DNAJB5: variants seen among roughly 807,000 people sequenced by gnomAD.
The protein encoded by DNAJB5 is DnaJ heat shock protein family (Hsp40) member B5.
In DNAJB5, 12 loss-of-function variants were observed where a neutral mutation model predicts 32.6. That is an observed-to-expected ratio of 0.37 (90% confidence interval 0.24 to 0.60). DNAJB5 has a LOEUF of 0.60. DNAJB5 is among the 20% of genes least tolerant of loss of function. The probability of loss-of-function intolerance (pLI) is 0.71; values close to 1 mark genes in which losing one functional copy is unlikely to be tolerated. For missense variants in DNAJB5, 358 were observed against 554.2 expected (o/e 0.65, Z 3.55); for synonymous variants, 188 against 212.9 (o/e 0.88, Z 1.02).
rs757952016 is a variant in DNAJB5, at chr9:34,993,288, G to C, written c.271G>C (p.Glu91Gln). The change falls in exon 3 of 5, where the codon GAG (glutamate) becomes CAG (glutamine). Residue 91 changes from glutamate to glutamine, a missense_variant. This residue lies in a region of DNAJB5 where 110 missense variants were observed against 111.7 expected (regional missense o/e 0.99). Transcript: ENST00000682809. The surrounding 1 kb of genome is among the most constrained non-coding windows in gnomAD (Gnocchi z 4.7). ...GATCCCATCGGGGGCCAACGAGGAT[G>C]AGATCAAGAAAGCCTACCGGAAGAT... is the stretch of plus-strand genomic sequence containing the variant. ...LGIPSGANEDEIKKAYRKMAL... is the reference protein window; with the variant it reads ...LGIPSGANEDQIKKAYRKMAL... 1 of 1,614,198 alleles carries C rather than the reference G, an allele frequency of 6.2e-7. No homozygotes were observed. The highest frequency in any genetic ancestry group is 1.1e-5 in the South Asian group (1 of 91,084).
In DNAJB5 at chr9:34,996,968, C is replaced by T. The variant is rs550205902; in HGVS notation, c.1030-58C>T. 2 of 1,600,294 alleles carry T rather than the reference C, an allele frequency of 1.2e-6. No individual in the cohort carries two copies. The highest frequency in any genetic ancestry group is 2.7e-5 in the African/African-American group (2 of 74,940). On this transcript the variant is annotated intron_variant, in intron 4 of 4. Coordinates refer to ENST00000682809, the MANE Select transcript of DNAJB5 (RefSeq NM_001349723.3). This position sits in a 1 kb window ranked among gnomAD's most constrained non-coding sequence, Gnocchi z 7.2. ...TTCTTTCCCCACCTCAGTCTATTTC[C>T]TTCCTTCCCACTCACCTTACCCCAC...
In DNAJB5 at chr9:34,993,072, G is replaced by A. The variant is rs1194429625; in HGVS notation, c.183-128G>A. 30 of 1,446,674 alleles carry A rather than the reference G, an allele frequency of 2.1e-5. No individual in the cohort carries two copies. The highest frequency in any genetic ancestry group is 5.0e-5 in the East Asian group (2 of 40,310). The allele number at this position is 1,446,674 out of a possible 1,614,324, so 89.6% of individuals were successfully genotyped here. Reference sequence around the variant, plus strand: ...CCTTTCATTTTACAGATGGGGGGACGCAGGCCCACAGAACAGGCATGACCT... The same window carrying A: ...CCTTTCATTTTACAGATGGGGGGACACAGGCCCACAGAACAGGCATGACCT... On this transcript the variant is annotated intron_variant, in intron 2 of 4. Transcript: ENST00000682809. The surrounding 1 kb of genome is among the most constrained non-coding windows in gnomAD (Gnocchi z 4.7).
At position 34,993,417 on chromosome 9, in the gene DNAJB5, G is replaced by A. The variant is rs1218901418; in HGVS notation, c.400G>A (p.Gly134Ser). 2.5e-6 allele frequency: 4 copies of A among 1,613,544 alleles called. No individual in the cohort carries two copies. The highest frequency in any genetic ancestry group is 2.2e-5 in the East Asian group (1 of 44,882). ...TGTGCTAAGTGACCCCAAGAAACGG[G>A]GCCTGTATGACCAGTATGGGGAGGA... ...YDVLSDPKKR[G>S]LYDQYGEEGL... is the part of the protein sequence containing the mutation. The change falls in exon 3 of 5, where the codon GGC (glycine) becomes AGC (serine). Residue 134 changes from glycine to serine, a missense_variant. Physicochemically the swap from Gly to Ser is moderately conservative, Grantham distance 56 (BLOSUM62 0). This residue lies in a region of DNAJB5 where 248 missense variants were observed against 442.6 expected (regional missense o/e 0.56). Coordinates refer to ENST00000682809, the MANE Select transcript of DNAJB5 (RefSeq NM_001349723.3). The surrounding 1 kb of genome is among the most constrained non-coding windows in gnomAD (Gnocchi z 4.7).
At chr9:34,992,773 G>A (rs1030094278) in intron 2 of DNAJB5, 1 of 1,011,046 alleles carries the variant, frequency 9.9e-7, no homozygotes, top group African/African-American at 1.7e-5. Flanking sequence ...TGGGCACCAT[G>A]CCTGAGGCGT....
intron 2 of DNAJB5, chr9:34,992,931 G>C (rs1827693941): frequency 1.5e-6 from 2 of 1,308,792 alleles, no homozygotes; most frequent in Non-Finnish European, 1.9e-6. Flanking sequence ...CAGGGCCTCA[G>C]CCTAGCCCCA....
intron 2 of DNAJB5, chr9:34,991,665 G>T (rs896631700): frequency 4.8e-5 from 4 of 83,104 alleles, no homozygotes; most frequent in African/African-American, 8.1e-5. Context: ...TCCGAAAACG[G>T]TTGCCCCCCC....
chr9:34,991,342 A>G, intron 2 of DNAJB5: 2 of 456,258 alleles, frequency 4.4e-6, no homozygotes, highest in Non-Finnish European at 8.8e-6. Context: ...GAAAGAGAAA[A>G]AGGAGGCAGA....
chr9:34,992,145 CCT>C (rs1387543175), intron 2 of DNAJB5: 2 of 152,386 alleles, frequency 1.3e-5, no homozygotes, highest in African/African-American at 4.8e-5. Context: ...TCCCCCTTCC[CCT>C]GATATCCACC....
At position 34,996,896 on chromosome 9, in the gene DNAJB5, C is replaced by T; in HGVS notation, c.1029+30C>T. On this transcript the variant is annotated intron_variant, in intron 4 of 4. Coordinates refer to ENST00000682809, the MANE Select transcript of DNAJB5 (RefSeq NM_001349723.3). This position sits in a 1 kb window ranked among gnomAD's most constrained non-coding sequence, Gnocchi z 7.2. ...GGCCTAGTCAGGCTGTGTGTGTGTG[C>T]TGGGGAGATGGTGGGGACATTCCCT... The T allele has an allele frequency of 1.3e-6, 2 of 1,589,828 alleles. No individual in the cohort carries two copies. Among genetic ancestry groups the T allele is most frequent in the Non-Finnish European group, 8.6e-7 (1 of 1,168,624 alleles).
chr9:34,989,854 CG>C (rs1478823511), intron 1 of DNAJB5, 23 bp downstream of exon 1: 1 of 1,236,946 alleles, frequency 8.1e-7, no homozygotes, highest in African/African-American at 1.6e-5. Flanking sequence ...AGCCAGGACT[CG>C]GGGGTCCCGG....
chr9:34,991,641 C>G, intron 2 of DNAJB5: 1 of 132,526 alleles, frequency 7.5e-6, no homozygotes, highest in Non-Finnish European at 1.5e-5. Flanking sequence ...TCTCAGACGG[C>G]TTTTGCTGCC....
chr9:34,991,219 C>A, intron 2 of DNAJB5: 1 of 440,102 alleles, frequency 2.3e-6, no homozygotes, highest in Admixed American at 2.5e-5. Flanking sequence ...CTGCCTCTAC[C>A]TTAACATCCT....
At chr9:34,991,358 A>G (rs1429306227) in intron 2 of DNAJB5, 3 of 456,280 alleles carry the variant, frequency 6.6e-6, no homozygotes, top group South Asian at 1.5e-5. Flanking sequence ...GCAGATCCTG[A>G]AAGAGCTTGC....
In DNAJB5 at chr9:34,993,759, T is replaced by C. The variant is rs967586255; in HGVS notation, c.427+315T>C. Among the ~76,000 whole-genome samples, 2 of 152,218 alleles carry C rather than the reference T, an allele frequency of 1.3e-5. No individual in the cohort carries two copies. The highest frequency in any genetic ancestry group is 1.9e-4 in the East Asian group (1 of 5,204). The stretch of plus-strand genomic sequence containing the variant: ...CCTGCCTGAAGTCTCCGCTGCTTCA[T>C]TGGCTGATGAGGAAGGTTGGGGAGA... On this transcript the variant is annotated intron_variant, in intron 3 of 4. Coordinates refer to ENST00000682809, the MANE Select transcript of DNAJB5 (RefSeq NM_001349723.3). This position sits in a 1 kb window ranked among gnomAD's most constrained non-coding sequence, Gnocchi z 4.7.
In DNAJB5 at chr9:34,989,748, C is replaced by A; in HGVS notation, c.-216C>A. ...GGCCGGCGGGCAGGCGACTCCTGTCCCGGGTGGAGGCGGCGGAGCCGGAGC... is the reference window on the plus strand; with the variant it reads ...GGCCGGCGGGCAGGCGACTCCTGTCACGGGTGGAGGCGGCGGAGCCGGAGC... On this transcript the variant is annotated 5_prime_UTR_variant, in exon 1 of 5. Transcript: ENST00000682809. The A allele has an allele frequency of 1.6e-6, 2 of 1,231,426 alleles. No individual in the cohort carries two copies. The highest frequency in any genetic ancestry group is 2.0e-6 in the Non-Finnish European group (2 of 987,688). The allele number at this position is 1,231,426 out of a possible 1,614,324, so 76.3% of individuals were successfully genotyped here.
chr9:34,993,274 G>T lies in DNAJB5; in HGVS notation c.257G>T (p.Gly86Val). ...DYYKILGIPS[G>V]ANEDEIKKAY... ...TACAAGATTCTTGGGATCCCATCGGGGGCCAACGAGGATGAGATCAAGAAA... is the reference window on the plus strand; with the variant it reads ...TACAAGATTCTTGGGATCCCATCGGTGGCCAACGAGGATGAGATCAAGAAA... Residue 86 changes from glycine (G) to valine (V), a missense_variant, in exon 3 of 5, where the codon GGG becomes GTG. Transcript: ENST00000682809. The surrounding 1 kb of genome is among the most constrained non-coding windows in gnomAD (Gnocchi z 4.7). 6.2e-7 allele frequency: 1 copy of T among 1,614,140 alleles called. No individual in the cohort carries two copies. Among genetic ancestry groups the T allele is most frequent in the South Asian group, 1.1e-5 (1 of 91,076 alleles).
rs1827712821 is a variant in DNAJB5 at position 34,993,532 on chromosome 9, G to A, written c.427+88G>A. 1.3e-6 allele frequency: 2 copies of A among 1,514,806 alleles called. No individual in the cohort carries two copies. Among genetic ancestry groups the A allele is most frequent in the Admixed American group, 2.2e-5 (1 of 44,736 alleles). 93.8% of individuals were successfully genotyped at this position (1,514,806 alleles called of 1,614,324 possible). A position where few individuals can be genotyped will look rare whatever the true frequency, so the allele number is the denominator to read the frequency against. On this transcript the variant is annotated intron_variant, in intron 3 of 4. Coordinates refer to ENST00000682809, the MANE Select transcript of DNAJB5 (RefSeq NM_001349723.3). This position sits in a 1 kb window ranked among gnomAD's most constrained non-coding sequence, Gnocchi z 4.7. ...CCAGTTTGTGTAGCGGGGAACTGGA[G>A]GCTGTGGAGGGGGTGAGGGCAGCAA...
intron 2 of DNAJB5, chr9:34,992,799 G>T: frequency 2.0e-6 from 2 of 1,024,746 alleles, no homozygotes; most frequent in Non-Finnish European, 2.3e-6. Flanking sequence ...AGGAGACCAC[G>T]ATGCTCAGGT....
chr9:34,995,921 T>A (rs1211550451), intron 3 of DNAJB5, among the ~76,000 whole-genome samples: 1 of 152,232 alleles, frequency 6.6e-6, no homozygotes, highest in East Asian at 1.9e-4. Flanking sequence ...GACACCAGGC[T>A]AGTCATTCAA....
Sources: allele counts gnomAD v4.1 joint callset (sites outside exome capture counted in the v4.1 genomes callset), GRCh38; gene constraint gnomAD v4.1.1; regional missense constraint gnomAD v4.1.1; non-coding constraint Gnocchi (gnomAD v3.1); transcripts MANE v1.5; gene names NCBI Gene and HGNC (gene_info 2026-07-23, HGNC 2026-07-21).